Variants in TNKS observed in about 807,000 individuals in gnomAD.
TNKS encodes tankyrase.
Under a neutral mutation model 135.8 loss-of-function variants are expected in TNKS, and 72 were observed. The observed-to-expected ratio is 0.53, with a 90% CI of 0.44 to 0.64. The LOEUF is 0.64. Among genes scored for constraint, TNKS ranks in the 30% least tolerant of loss-of-function variants. TNKS has a pLI of 0.00. For synonymous variants in TNKS, 849 were observed against 649.3 expected (o/e 1.31, Z -4.68); for missense variants, 1,769 against 1,674.0 (o/e 1.06, Z -0.99).
At chr8:9,755,742 C>G (rs1186769161) in intron 20 of TNKS, among the ~76,000 whole-genome samples, 2 of 152,258 alleles carry the variant, frequency 1.3e-5, no homozygotes, top group East Asian at 3.9e-4. Flanking sequence ...TTTTCTGATG[C>G]TCTTTGACAT....
At chr8:9,708,518 CCT>C (rs1305208010) in intron 9 of TNKS, 26 bp downstream of exon 9, 1 of 1,549,060 alleles carries the variant, frequency 6.5e-7, no homozygotes, top group Non-Finnish European at 8.7e-7. Context: ...TAATCTATTC[CCT>C]GTGTCTATAA....
intron 20 of TNKS, among the ~76,000 whole-genome samples, chr8:9,755,423 C>T (rs755103714): frequency 2.3e-4 from 35 of 152,112 alleles, no homozygotes; most frequent in Non-Finnish European, 5.0e-4. Context: ...TGTATATTAC[C>T]AAGCACAGTT....
chr8:9,606,519 G>T (rs1799226979), intron 2 of TNKS, among the ~76,000 whole-genome samples: 1 of 151,952 alleles, frequency 6.6e-6, no homozygotes, highest in South Asian at 2.1e-4. Context: ...CAACTTTTTA[G>T]TTCCACAGTT....
chr8:9,559,846 T>G (rs1208340704), intron 1 of TNKS, among the ~76,000 whole-genome samples: 8 of 152,216 alleles, frequency 5.3e-5, no homozygotes, highest in Admixed American at 5.2e-4. Flanking sequence ...TCTTGGATTG[T>G]GATAATTTGT....
chr8:9,735,574 G>A (rs1313288682), intron 17 of TNKS, 88 bp downstream of exon 17: 7 of 937,608 alleles, frequency 7.5e-6, no homozygotes, highest in African/African-American at 3.3e-5. Context: ...GCCGAGGAAG[G>A]TAGATCACGA....
intron 22 of TNKS, among the ~76,000 whole-genome samples, chr8:9,764,204 G>A (rs1020257458): frequency 1.8e-4 from 27 of 152,018 alleles, no homozygotes; most frequent in African/African-American, 6.0e-4. Context: ...TTAATTTAGA[G>A]AGTAGTCAGA....
intron 2 of TNKS, among the ~76,000 whole-genome samples, chr8:9,606,215 C>G (rs1184867459): frequency 6.9e-6 from 1 of 145,378 alleles, no homozygotes; most frequent in African/African-American, 2.6e-5. Context: ...GTTGAATAGG[C>G]TATTTTTCCA....
At chr8:9,750,750 A>G (rs892011166) in intron 18 of TNKS, among the ~76,000 whole-genome samples, 1 of 152,170 alleles carries the variant, frequency 6.6e-6, no homozygotes, top group African/African-American at 2.4e-5. Context: ...TAACGTGACA[A>G]TTTATTATTT....
At chr8:9,639,583 T>C (rs1230438279) in intron 3 of TNKS, among the ~76,000 whole-genome samples, 4 of 152,012 alleles carry the variant, frequency 2.6e-5, no homozygotes, top group Admixed American at 2.6e-4. Context: ...TTTCATTATG[T>C]AAGAGACTGT....
At chr8:9,658,558 C>G in intron 3 of TNKS, 1 of 347,528 alleles carries the variant, frequency 2.9e-6, no homozygotes, top group Non-Finnish European at 5.1e-6. Flanking sequence ...ACCACCAGGC[C>G]TGCCCTAAAA....
At chr8:9,568,569 A>G (rs979187324) in intron 1 of TNKS, among the ~76,000 whole-genome samples, 13 of 152,240 alleles carry the variant, frequency 8.5e-5, no homozygotes, top group Non-Finnish European at 1.2e-4. Flanking sequence ...ATTCTTAATG[A>G]AAAGAAGCTA....
chr8:9,581,596 A>G (rs1193889978), intron 2 of TNKS, among the ~76,000 whole-genome samples: 2 of 152,162 alleles, frequency 1.3e-5, no homozygotes, highest in Non-Finnish European at 2.9e-5. Flanking sequence ...TGTGTTTCCT[A>G]CGTAGTCTTC....
intron 3 of TNKS, among the ~76,000 whole-genome samples, chr8:9,652,105 T>C (rs941291191): frequency 6.6e-6 from 1 of 152,240 alleles, no homozygotes; most frequent in Admixed American, 6.5e-5. Flanking sequence ...TTTTTATAAT[T>C]ACTGACATAT....
intron 1 of TNKS, among the ~76,000 whole-genome samples, chr8:9,566,791 G>A (rs1797561997): frequency 1.3e-5 from 2 of 151,036 alleles, no homozygotes; most frequent in Admixed American, 1.3e-4. Context: ...TGTATTTTTA[G>A]TAGAGACGGG....
At chr8:9,599,458 C>A (rs1798928874) in intron 2 of TNKS, among the ~76,000 whole-genome samples, 1 of 152,160 alleles carries the variant, frequency 6.6e-6, no homozygotes, top group Admixed American at 6.5e-5. Flanking sequence ...GTAACTTGCC[C>A]AAGGTCAGAC....
chr8:9,740,603 A>G (rs1037287840), intron 17 of TNKS, among the ~76,000 whole-genome samples: 1 of 152,178 alleles, frequency 6.6e-6, no homozygotes, highest in African/African-American at 2.4e-5. Flanking sequence ...AATTGAAAGT[A>G]TCATATTTAA....
At chr8:9,643,417 C>T (rs539217402) in intron 3 of TNKS, among the ~76,000 whole-genome samples, 1 of 117,996 alleles carries the variant, frequency 8.5e-6, no homozygotes, top group Non-Finnish European at 1.8e-5. Context: ...AGCTCACTAT[C>T]GTGATAACTA....
In TNKS at chr8:9,733,225, C is replaced by A. The variant is rs1196068025; in HGVS notation, c.2148-54C>A. The A allele has an allele frequency of 6.1e-6, 9 of 1,482,648 alleles. No homozygotes were observed. The East Asian group carries it at 1.4e-4, about 23-fold the overall frequency. The allele number at this position is 1,482,648 out of a possible 1,614,324, so 91.8% of individuals were successfully genotyped here. On this transcript the variant is annotated intron_variant, in intron 14 of 26. Coordinates refer to ENST00000310430, the MANE Select transcript of TNKS (RefSeq NM_003747.3). ...ATGGTAGGATTTTTATTATAAGAAT[C>A]ATTGTAACTCAAAGGTTTGTTTTAT...
chr8:9,634,438 A>G (rs1240825420), intron 3 of TNKS, among the ~76,000 whole-genome samples: 1 of 152,224 alleles, frequency 6.6e-6, no homozygotes, highest in Non-Finnish European at 1.5e-5. Context: ...TGTAGGAGGA[A>G]AGAAAAGGGA....
Sources: allele counts gnomAD v4.1 joint callset (sites outside exome capture counted in the v4.1 genomes callset), GRCh38; gene constraint gnomAD v4.1.1; transcripts MANE v1.5; gene names NCBI Gene and HGNC (gene_info 2026-07-23, HGNC 2026-07-21).